The following ME3 variants were observed in gnomAD, a reference collection of about 807,000 sequenced individuals.
The protein encoded by ME3 is malic enzyme 3, also known as NADP-dependent malic enzyme, mitochondrial.
Under a neutral mutation model 68.9 loss-of-function variants are expected in ME3, and 48 were observed. The observed-to-expected ratio is 0.70, with a 90% CI of 0.55 to 0.89. The LOEUF (loss-of-function observed/expected upper bound fraction) is 0.89. Ranked by LOEUF, ME3 falls within the 40% of genes least tolerant of loss-of-function variation. The pLI is 0.00. For missense variants in ME3, 675 were observed against 797.4 expected (o/e 0.85, Z 1.85); for synonymous variants, 320 against 318.8 (o/e 1.00, Z -0.04).
At chr11:86,473,006 C>T (rs754057033) in intron 7 of ME3, among the ~76,000 whole-genome samples, 16 of 152,152 alleles carry the variant, frequency 1.1e-4, no homozygotes, top group Admixed American at 2.0e-4. Context: ...ATGAGGTCAG[C>T]GGAGGGGAAC....
At chr11:86,622,229 T>C (rs1943390357) in intron 2 of ME3, among the ~76,000 whole-genome samples, 1 of 152,032 alleles carries the variant, frequency 6.6e-6, no homozygotes, top group African/African-American at 2.4e-5. Flanking sequence ...TGTCTGCCAA[T>C]AGTCACATGG....
At chr11:86,651,505 A>C (rs1945426828) in intron 2 of ME3, among the ~76,000 whole-genome samples, 1 of 152,236 alleles carries the variant, frequency 6.6e-6, no homozygotes, top group African/African-American at 2.4e-5. Flanking sequence ...GACCTCCAGC[A>C]AACTCCAACA....
chr11:86,487,813 G>A (rs1380480424), intron 6 of ME3, among the ~76,000 whole-genome samples: 1 of 152,216 alleles, frequency 6.6e-6, no homozygotes, highest in Non-Finnish European at 1.5e-5. Flanking sequence ...CGTGCACACT[G>A]TAGGATATTT....
intron 2 of ME3, among the ~76,000 whole-genome samples, chr11:86,612,621 G>A (rs1043087809): frequency 6.6e-6 from 1 of 152,112 alleles, no homozygotes; most frequent in Non-Finnish European, 1.5e-5. Context: ...GGTGCGAGAT[G>A]GTATCTCATT....
chr11:86,644,860 C>T (rs993648224), intron 2 of ME3, among the ~76,000 whole-genome samples: 1 of 152,160 alleles, frequency 6.6e-6, no homozygotes, highest in African/African-American at 2.4e-5. Flanking sequence ...GCTGAGGTAC[C>T]TGGCTCATCT....
At chr11:86,618,165 T>C (rs1038171995) in intron 2 of ME3, among the ~76,000 whole-genome samples, 3 of 151,652 alleles carry the variant, frequency 2.0e-5, no homozygotes, top group Non-Finnish European at 4.4e-5. Flanking sequence ...CTGGGCATGG[T>C]GGCACGCACC....
intron 2 of ME3, among the ~76,000 whole-genome samples, chr11:86,596,584 G>C (rs532341981): frequency 3.3e-5 from 5 of 152,234 alleles, no homozygotes; most frequent in African/African-American, 1.2e-4. Flanking sequence ...ACTCTCAAAG[G>C]AGCCCTTGAG....
chr11:86,496,341 G>C (rs940690483), intron 6 of ME3, among the ~76,000 whole-genome samples: 3 of 152,120 alleles, frequency 2.0e-5, no homozygotes, highest in African/African-American at 7.2e-5. Flanking sequence ...GGGAAGCAGA[G>C]GTTGCAGCGA....
At chr11:86,598,666 C>G (rs571453531) in intron 2 of ME3, among the ~76,000 whole-genome samples, 24 of 152,268 alleles carry the variant, frequency 1.6e-4, no homozygotes, top group African/African-American at 5.3e-4. Flanking sequence ...GTCTCTGACC[C>G]CGACCCCCAA....
intron 4 of ME3, among the ~76,000 whole-genome samples, chr11:86,523,782 C>T (rs1327778365): frequency 6.6e-6 from 1 of 152,028 alleles, no homozygotes. Context: ...GCTGACTGAA[C>T]ATTTTATAAT....
chr11:86,636,265 T>C (rs1366398091), intron 2 of ME3, among the ~76,000 whole-genome samples: 1 of 47,842 alleles, frequency 2.1e-5, no homozygotes, highest in Non-Finnish European at 8.1e-5. Flanking sequence ...TTTTCTTTCT[T>C]TTTTTTTTTG....
At chr11:86,462,609 T>C in intron 8 of ME3, 1 of 1,287,874 alleles carries the variant, frequency 7.8e-7, no homozygotes, top group Non-Finnish European at 1.0e-6. Flanking sequence ...TTTGTATGTG[T>C]AGACATCATT....
At chr11:86,609,525 C>A (rs12804997) in intron 2 of ME3, among the ~76,000 whole-genome samples, 51,651 of 152,018 alleles carry the variant, frequency 0.34, 10,577 homozygotes, top group Non-Finnish European at 0.46. Context: ...TTAGGCCTGT[C>A]TTCAAGGAGC....
intron 2 of ME3, among the ~76,000 whole-genome samples, chr11:86,649,376 T>C (rs1213802146): frequency 6.6e-6 from 1 of 152,212 alleles, no homozygotes; most frequent in African/African-American, 2.4e-5. Flanking sequence ...GGGCACAAGC[T>C]GGAAGCATTT....
chr11:86,490,730 G>C (rs924644068), intron 6 of ME3, among the ~76,000 whole-genome samples: 10 of 152,322 alleles, frequency 6.6e-5, no homozygotes, highest in Non-Finnish European at 1.5e-4. Flanking sequence ...GGCATTGGCA[G>C]AAAACATTCA....
At chr11:86,562,841 G>C (rs967681500) in intron 2 of ME3, among the ~76,000 whole-genome samples, 1 of 151,736 alleles carries the variant, frequency 6.6e-6, no homozygotes, top group East Asian at 1.9e-4. Flanking sequence ...CCATCTAGTA[G>C]TCTGCAGTGT....
At chr11:86,526,153 T>G (rs1185271063) in intron 4 of ME3, among the ~76,000 whole-genome samples, 1 of 152,076 alleles carries the variant, frequency 6.6e-6, no homozygotes, top group Admixed American at 6.5e-5. Context: ...ACCTGGAAAA[T>G]CGGGTCACTC....
intron 2 of ME3, among the ~76,000 whole-genome samples, chr11:86,655,328 C>G (rs567734255): frequency 1.3e-5 from 2 of 152,086 alleles, no homozygotes; most frequent in African/African-American, 2.4e-5. Flanking sequence ...GGAGGCATCA[C>G]GCTACCTGAC....
intron 2 of ME3, among the ~76,000 whole-genome samples, chr11:86,586,148 G>A (rs1021723077): frequency 1.2e-4 from 18 of 152,156 alleles, no homozygotes; most frequent in Admixed American, 7.9e-4. Flanking sequence ...GGAGATATTT[G>A]AGCATGTTTA....
Sources: gnomAD v4.1 joint callset for allele counts (sites outside exome capture counted in the v4.1 genomes callset) on GRCh38, gnomAD v4.1.1 for gene constraint, MANE v1.5 for transcripts, NCBI Gene and HGNC (gene_info 2026-07-23, HGNC 2026-07-21) for gene names.